The following ATP6V0B variants were observed in gnomAD, a reference collection of about 807,000 sequenced individuals.
ATP6V0B encodes V-type proton ATPase 21 kDa proteolipid subunit c''.
In ATP6V0B, 4 loss-of-function variants were observed where a neutral mutation model predicts 26.2. The observed-to-expected ratio is 0.15, with a 90% CI of 0.08 to 0.35. ATP6V0B has a LOEUF of 0.35. ATP6V0B is among the 10% of genes least tolerant of loss of function. The pLI, the probability that ATP6V0B is intolerant of heterozygous loss-of-function variation, is 1.00. For missense variants in ATP6V0B, 175 were observed against 272.5 expected (o/e 0.64, Z 2.52); for synonymous variants, 110 against 105.8 (o/e 1.04, Z -0.24).
intron 1 of ATP6V0B, 54 bp downstream of exon 1, chr1:43,975,161 C>G: frequency 7.1e-7 from 1 of 1,400,614 alleles, no homozygotes; most frequent in East Asian, 2.9e-5. Context: ...CTGGCCGGGT[C>G]GGAACTCGGC....
chr1:43,975,245 AG>A, intron 1 of ATP6V0B, 138 bp downstream of exon 1: 2 of 1,097,288 alleles, frequency 1.8e-6, no homozygotes, highest in Admixed American at 2.4e-5. Flanking sequence ...TGCGCCTGCG[AG>A]GGCCTCTGAC....
rs1408209402 is a variant in ATP6V0B at position 43,976,821 on chromosome 1, G to GCAGGTGGGT, written c.398_400+6dup. ...GGCCATCGGCCATCGGAACTACCAT[G>GCAGGTGGGT]CAGGTGGGTGGATGGGCGTATGAAT... On this transcript the variant is annotated inframe_insertion, in exon 6 of 8. Coordinates refer to ENST00000472174, the MANE Select transcript of ATP6V0B (RefSeq NM_004047.5). The surrounding 1 kb of genome is among the most constrained non-coding windows in gnomAD (Gnocchi z 4.6). The GCAGGTGGGT allele has an allele frequency of 6.2e-7, 1 of 1,614,092 alleles. No individual in the cohort carries two copies. Among genetic ancestry groups the GCAGGTGGGT allele is most frequent in the Non-Finnish European group, 8.5e-7 (1 of 1,180,038 alleles).
Position 43,978,093 on chromosome 1 carries a change from AGAG to A in ATP6V0B, c.*88_*90del. 2 of 1,593,244 alleles carry A rather than the reference AGAG, an allele frequency of 1.3e-6. No individual in the cohort carries two copies. The highest frequency in any genetic ancestry group is 1.7e-6 in the Non-Finnish European group (2 of 1,161,596). ...CTGGAGCTGTGTCCCTTAGCCTTTCAGAGGCTTGGTGTTCAGGGCCCTCCCTGC... is the reference window on the plus strand; with the variant it reads ...CTGGAGCTGTGTCCCTTAGCCTTTCAGCTTGGTGTTCAGGGCCCTCCCTGC... On this transcript the variant is annotated 3_prime_UTR_variant, in exon 8 of 8. Transcript: ENST00000472174.
In ATP6V0B at chr1:43,976,550, C is replaced by T; in HGVS notation, c.279-40C>T. ...AGGACGGTTTCTTTCTCATTTCTTT[C>T]TCCTTTCCACTCCTTACCCCTAATC... On this transcript the variant is annotated intron_variant, in intron 4 of 7. Coordinates refer to ENST00000472174, the MANE Select transcript of ATP6V0B (RefSeq NM_004047.5). This position sits in a 1 kb window ranked among gnomAD's most constrained non-coding sequence, Gnocchi z 4.6. 1 of 1,606,952 alleles carries T rather than the reference C, an allele frequency of 6.2e-7. No individual in the cohort carries two copies. Among genetic ancestry groups the T allele is most frequent in the South Asian group, 1.1e-5 (1 of 90,794 alleles).
intron 7 of ATP6V0B, 198 bp downstream of exon 7, chr1:43,977,414 A>G: frequency 6.7e-7 from 1 of 1,491,294 alleles, no homozygotes; most frequent in South Asian, 1.3e-5. Flanking sequence ...GTCACTGACA[A>G]CAGCCCTGTT....
At chr1:43,975,894 C>T in intron 2 of ATP6V0B, 46 bp downstream of exon 2, 1 of 1,551,044 alleles carries the variant, frequency 6.4e-7, no homozygotes, top group Non-Finnish European at 8.7e-7. Flanking sequence ...TTCTTCCCTG[C>T]AGCCTCTCTT....
At chr1:43,975,324 C>A in intron 1 of ATP6V0B, 1 of 619,230 alleles carries the variant, frequency 1.6e-6, no homozygotes. Context: ...GCCGCGAGGG[C>A]AGCACTCCCC....
Position 43,978,203 on chromosome 1 carries a change from G to A in ATP6V0B, c.*196G>A. The stretch of plus-strand genomic sequence containing the variant: ...GTGCGGGGAGCAGGCTGCTGCTGCT[G>A]ACTCTGTGCAGCTGCGCACCTGTGT... On this transcript the variant is annotated 3_prime_UTR_variant, in exon 8 of 8. Transcript: ENST00000472174. The A allele has an allele frequency of 1.4e-6, 1 of 703,146 alleles. No homozygotes were observed. The highest frequency in any genetic ancestry group is 2.4e-6 in the Non-Finnish European group (1 of 413,958). The allele number at this position is 703,146 out of a possible 1,614,324, so 43.6% of individuals were successfully genotyped here.
At chr1:43,975,611 T>C in intron 1 of ATP6V0B, 189 bp from the exon 2 acceptor site, 1 of 692,926 alleles carries the variant, frequency 1.4e-6, no homozygotes, top group South Asian at 1.7e-5. Flanking sequence ...GAGGTGGTTT[T>C]AGCGAGGGAA....
At chr1:43,975,890 C>A in intron 2 of ATP6V0B, 42 bp downstream of exon 2, 1 of 1,552,884 alleles carries the variant, frequency 6.4e-7, no homozygotes, top group South Asian at 1.2e-5. Context: ...AAGCTTCTTC[C>A]CTGCAGCCTC....
chr1:43,975,254 G>T, intron 1 of ATP6V0B, 147 bp downstream of exon 1: 1 of 1,049,078 alleles, frequency 9.5e-7, no homozygotes. Context: ...GAGGGCCTCT[G>T]ACTCCGACAA....
At chr1:43,975,297 G>A (rs2085505261) in intron 1 of ATP6V0B, 190 bp downstream of exon 1, 2 of 738,936 alleles carry the variant, frequency 2.7e-6, no homozygotes, top group South Asian at 1.6e-5. Context: ...CTTGAGGAGG[G>A]GTGCGGGCGG....
rs1000203167 is a variant in ATP6V0B, at chr1:43,976,991, G to T, written c.401-35G>T. The T allele has an allele frequency of 6.2e-7, 1 of 1,600,560 alleles. No individual in the cohort carries two copies. Among genetic ancestry groups the T allele is most frequent in the Non-Finnish European group, 8.5e-7 (1 of 1,171,140 alleles). ...TTAGCCCATATCTCCCCCATTCCTG[G>T]CTTAGCCTCACTGCACCCCTCTCTA... On this transcript the variant is annotated intron_variant, in intron 6 of 7. Coordinates refer to ENST00000472174, the MANE Select transcript of ATP6V0B (RefSeq NM_004047.5). The surrounding 1 kb of genome is among the most constrained non-coding windows in gnomAD (Gnocchi z 4.6).
At chr1:43,975,161 C>T (rs1404372392) in intron 1 of ATP6V0B, 54 bp downstream of exon 1, 2 of 1,400,496 alleles carry the variant, frequency 1.4e-6, no homozygotes, top group African/African-American at 1.5e-5. Context: ...CTGGCCGGGT[C>T]GGAACTCGGC....
chr1:43,976,171 C>G lies in ATP6V0B; in HGVS notation c.198C>G (p.Ala66=), dbSNP rs1395796531. 3 of 1,613,826 alleles carry G rather than the reference C, an allele frequency of 1.9e-6. No homozygotes were observed. The highest frequency in any genetic ancestry group is 2.5e-6 in the Non-Finnish European group (3 of 1,179,842). The part of the protein sequence containing the change: ...LAISLSVVGA[A]WGIYITGSSI... Reference sequence around the variant, plus strand: ...TCTCCCTGTCTGTGGTTGGGGCAGCCTGGTGAGTATTGGGGTGGTGGGACT... The same window carrying G: ...TCTCCCTGTCTGTGGTTGGGGCAGCGTGGTGAGTATTGGGGTGGTGGGACT... The change falls in exon 3 of 8, where the codon GCC becomes GCG. Residue 66 remains alanine, a splice_region_variant and synonymous_variant. Coordinates refer to ENST00000472174, the MANE Select transcript of ATP6V0B (RefSeq NM_004047.5). The surrounding 1 kb of genome is among the most constrained non-coding windows in gnomAD (Gnocchi z 4.6).
chr1:43,975,902 C>T, intron 2 of ATP6V0B, 54 bp downstream of exon 2: 2 of 1,542,850 alleles, frequency 1.3e-6, no homozygotes, highest in South Asian at 2.4e-5. Context: ...TGCAGCCTCT[C>T]TTCTTTTCTC....
intron 1 of ATP6V0B, chr1:43,975,585 C>T (rs980717751): frequency 3.2e-6 from 2 of 625,358 alleles, no homozygotes; most frequent in Non-Finnish European, 5.6e-6. Context: ...CCTGCCTGCG[C>T]AGGTGCTTGG....
rs553041663 is a variant in ATP6V0B, at chr1:43,978,067, G to A, written c.*60G>A. 5 of 1,611,474 alleles carry A rather than the reference G, an allele frequency of 3.1e-6. No homozygotes were observed. The highest frequency in any genetic ancestry group is 2.2e-5 in the East Asian group (1 of 44,878). On this transcript the variant is annotated 3_prime_UTR_variant, in exon 8 of 8. Transcript: ENST00000472174. Reference sequence around the variant, plus strand: ...ATTTATTGCTGGTTTTCCTGGGACAGCTGGAGCTGTGTCCCTTAGCCTTTC... The same window carrying A: ...ATTTATTGCTGGTTTTCCTGGGACAACTGGAGCTGTGTCCCTTAGCCTTTC...
Position 43,976,391 on chromosome 1 carries a change from G to C in ATP6V0B, c.278+12G>C, listed in dbSNP as rs1557646665. ...AAGAACCTGGTCAGGTAAGTGTCAG[G>C]GTCCTTGGACTTTTGTCAGAACCAG... On this transcript the variant is annotated intron_variant, in intron 4 of 7. Coordinates refer to ENST00000472174, the MANE Select transcript of ATP6V0B (RefSeq NM_004047.5). This position sits in a 1 kb window ranked among gnomAD's most constrained non-coding sequence, Gnocchi z 4.6. The C allele has an allele frequency of 1.2e-6, 2 of 1,607,302 alleles. No individual in the cohort carries two copies. The highest frequency in any genetic ancestry group is 1.7e-6 in the Non-Finnish European group (2 of 1,176,590).
Sources: allele counts gnomAD v4.1 joint callset, GRCh38; gene constraint gnomAD v4.1.1; non-coding constraint Gnocchi (gnomAD v3.1); transcripts MANE v1.5; gene names NCBI Gene and HGNC (gene_info 2026-07-23, HGNC 2026-07-21).